Variants in NRIP3 observed in about 807,000 individuals in gnomAD.
NRIP3 encodes nuclear receptor-interacting protein 3.
NRIP3 carries 31 observed loss-of-function variants against 29.0 expected under a neutral mutation model. The ratio of observed to expected loss-of-function variants is 1.07; its 90% CI spans 0.80 to 1.44. The LOEUF is 1.44. NRIP3 is among the 40% of genes most tolerant of loss of function. The pLI is 0.00. For missense variants in NRIP3, 314 were observed against 297.9 expected (o/e 1.05, Z -0.40); for synonymous variants, 131 against 118.3 (o/e 1.11, Z -0.70).
intron 3 of NRIP3, among the ~76,000 whole-genome samples, chr11:8,986,254 A>G (rs1009561864): frequency 6.6e-6 from 1 of 152,216 alleles, no homozygotes; most frequent in Non-Finnish European, 1.5e-5. Flanking sequence ...GCTTTGTTCA[A>G]TGTGTAATTT....
intron 1 of NRIP3, among the ~76,000 whole-genome samples, chr11:9,001,886 A>T (rs566970255): frequency 6.6e-6 from 1 of 152,248 alleles, no homozygotes; most frequent in Non-Finnish European, 1.5e-5. Context: ...TGGGGCACAG[A>T]AAGCGTGAAC....
chr11:8,996,812 T>C (rs1378013557), intron 1 of NRIP3, among the ~76,000 whole-genome samples: 1 of 152,186 alleles, frequency 6.6e-6, no homozygotes, highest in Admixed American at 6.5e-5. Context: ...CCCAGCACTT[T>C]GGGAGGCTGA....
rs1018038386 is a variant in NRIP3 at position 8,981,624 on chromosome 11, C to A, written c.*1921G>T. 5 of 152,284 alleles carry A rather than the reference C, an allele frequency of 3.3e-5. No individual in the cohort carries two copies. The highest frequency in any genetic ancestry group is 2.0e-4 in the Admixed American group (3 of 15,282). 9.4% of individuals were successfully genotyped at this position (152,284 alleles called of 1,614,324 possible). A position where few individuals can be genotyped will look rare whatever the true frequency, so the allele number is the denominator to read the frequency against. ...GATAAGAGGCAGGCCAAAGTATTGC[C>A]ATGAAAGGTAGGGAAGGAGCATGGA... On this transcript the variant is annotated 3_prime_UTR_variant, in exon 7 of 7. Coordinates refer to ENST00000309166, the MANE Select transcript of NRIP3 (RefSeq NM_020645.3).
At chr11:8,984,483 G>T (rs1176102306) in intron 4 of NRIP3, among the ~76,000 whole-genome samples, 1 of 152,028 alleles carries the variant, frequency 6.6e-6, no homozygotes, top group African/African-American at 2.4e-5. Flanking sequence ...GGCTTCTCTC[G>T]AACTCCTGAC....
At position 8,987,577 on chromosome 11, in the gene NRIP3, G is replaced by A. The variant is rs770549056; in HGVS notation, c.393C>T (p.Leu131=). 15 of 1,614,056 alleles carry A rather than the reference G, an allele frequency of 9.3e-6. No homozygotes were observed. Among genetic ancestry groups the A allele is most frequent in the Non-Finnish European group, 1.1e-5 (13 of 1,179,940 alleles). ...ALVDTGCLYN[L]ISLACVDRLG... ...ATCTGTCCACACAGGCCAAAGAGAT[G>A]AGATTATATAGGCAGCCTGTGTCAA... Residue 131 remains leucine (L), a synonymous_variant, in exon 3 of 7, where the codon CTC becomes CTT. Transcript: ENST00000309166.
At chr11:8,997,610 C>T (rs1401033728) in intron 1 of NRIP3, among the ~76,000 whole-genome samples, 4 of 147,600 alleles carry the variant, frequency 2.7e-5, no homozygotes, top group South Asian at 2.1e-4. Context: ...CTGCCTCCAT[C>T]GCCATCAAGA....
In NRIP3 at chr11:8,981,759, A is replaced by G. The variant is rs1123936; in HGVS notation, c.*1786T>C. 78,899 of 151,902 alleles carry G rather than the reference A, an allele frequency of 0.52. 20,731 individuals are homozygous for G. Among genetic ancestry groups the G allele is most frequent in the Middle Eastern group, 0.71 (208 of 294 alleles). The allele number at this position is 151,902 out of a possible 1,614,324, so 9.4% of individuals were successfully genotyped here. A position where few individuals can be genotyped will look rare whatever the true frequency, so the allele number is the denominator to read the frequency against. ...GGATCACCCCTCATGAGCTTTAGAT[A>G]TAGCCTCCCAACCATGGCTGTGCTT... On this transcript the variant is annotated 3_prime_UTR_variant, in exon 7 of 7. Coordinates refer to ENST00000309166, the MANE Select transcript of NRIP3 (RefSeq NM_020645.3).
At chr11:8,999,839 G>A (rs549048590) in intron 1 of NRIP3, among the ~76,000 whole-genome samples, 9 of 152,168 alleles carry the variant, frequency 5.9e-5, no homozygotes, top group East Asian at 3.9e-4. Flanking sequence ...AGGCCTTGCC[G>A]GACAACCCTG....
At position 8,999,483 on chromosome 11, in the gene NRIP3, C is replaced by T. The variant is rs903339046; in HGVS notation, c.174+4279G>A. Among the ~76,000 whole-genome samples, 3 of 152,136 alleles carry T rather than the reference C, an allele frequency of 2.0e-5. No individual in the cohort carries two copies. The South Asian group carries it at 6.2e-4, about 31-fold the overall frequency. On this transcript the variant is annotated intron_variant, in intron 1 of 6. Coordinates refer to ENST00000309166, the MANE Select transcript of NRIP3 (RefSeq NM_020645.3). ...AAAATAAGTCGTATGTATCATATCA[C>T]CCCTCTGCTCAAAATATTCCACTCG...
chr11:8,984,603 C>G (rs1854480603), intron 4 of NRIP3, among the ~76,000 whole-genome samples: 1 of 152,082 alleles, frequency 6.6e-6, no homozygotes, highest in African/African-American at 2.4e-5. Flanking sequence ...GATCATTAAA[C>G]TTACAAGGCA....
chr11:8,984,281 A>AGAT (rs1854474339), intron 4 of NRIP3, among the ~76,000 whole-genome samples, 157 bp from the exon 5 acceptor site: 1 of 148,718 alleles, frequency 6.7e-6, no homozygotes, highest in African/African-American at 2.5e-5. Flanking sequence ...TTATTTTTTG[A>AGAT]GATGGAGTTT....
chr11:8,992,981 G>T (rs1021533973), intron 1 of NRIP3, among the ~76,000 whole-genome samples: 2 of 152,088 alleles, frequency 1.3e-5, no homozygotes, highest in Admixed American at 6.5e-5. Flanking sequence ...ACTCAAGAAA[G>T]TTATTTCCTG....
At position 8,985,146 on chromosome 11, in the gene NRIP3, C is replaced by T. The variant is rs577921179; in HGVS notation, c.562+565G>A. 7.3e-5 allele frequency among the ~76,000 whole-genome samples: 11 copies of T among 149,972 alleles called. No homozygotes were observed. The South Asian group carries it at 1.5e-3, about 20-fold the overall frequency. Reference sequence around the variant, plus strand: ...GATTACAGGCGTGAGCCACTGCGCCCGGCCTCTTGCTCCTTGAATTTTTTT... The same window carrying T: ...GATTACAGGCGTGAGCCACTGCGCCTGGCCTCTTGCTCCTTGAATTTTTTT... On this transcript the variant is annotated intron_variant, in intron 4 of 6. Transcript: ENST00000309166.
At chr11:8,992,473 A>G (rs942584839) in intron 1 of NRIP3, among the ~76,000 whole-genome samples, 3 of 152,226 alleles carry the variant, frequency 2.0e-5, no homozygotes, top group Non-Finnish European at 4.4e-5. Context: ...CATCACTGTG[A>G]AATTTTGGAA....
chr11:9,002,528 A>AAATTAT (rs11273145), intron 1 of NRIP3, among the ~76,000 whole-genome samples: 1 of 147,790 alleles, frequency 6.8e-6, no homozygotes, highest in Middle Eastern at 3.4e-3. Flanking sequence ...GGGAGGAGAA[A>AAATTAT]AATTTTTGTA....
intron 1 of NRIP3, 116 bp downstream of exon 1, chr11:9,003,646 G>A: frequency 9.3e-7 from 1 of 1,070,218 alleles, no homozygotes; most frequent in South Asian, 2.3e-5. Context: ...GCGACCGCGA[G>A]CCAAGGGCAG....
intron 1 of NRIP3, among the ~76,000 whole-genome samples, chr11:8,995,137 A>T (rs964922879): frequency 6.6e-6 from 1 of 151,876 alleles, no homozygotes; most frequent in African/African-American, 2.4e-5. Flanking sequence ...CATTACTTTC[A>T]TGGTCCTCTT....
chr11:9,002,141 G>A (rs905541869), intron 1 of NRIP3, among the ~76,000 whole-genome samples: 6 of 152,130 alleles, frequency 3.9e-5, no homozygotes, highest in South Asian at 2.1e-4. Context: ...GAAACTCCTC[G>A]ACAACGAGGG....
chr11:8,996,360 A>C (rs1434454162), intron 1 of NRIP3, among the ~76,000 whole-genome samples: 1 of 130,788 alleles, frequency 7.6e-6, no homozygotes, highest in Non-Finnish European at 1.5e-5. Flanking sequence ...TGGCTTGCTG[A>C]AATCTCCACC....
Sources: gnomAD v4.1 joint callset for allele counts (sites outside exome capture counted in the v4.1 genomes callset) on GRCh38, gnomAD v4.1.1 for gene constraint, MANE v1.5 for transcripts, NCBI Gene and HGNC (gene_info 2026-07-23, HGNC 2026-07-21) for gene names.